UVRAG: variants seen among roughly 807,000 people sequenced by gnomAD.
UVRAG encodes the protein UV radiation resistance associated, also known as UV radiation resistance-associated gene protein.
A neutral mutation model predicts 78.0 loss-of-function variants in UVRAG; 19 were observed. The ratio of observed to expected loss-of-function variants is 0.24; its 90% CI spans 0.17 to 0.36. The LOEUF is 0.36. Ranked by LOEUF, UVRAG falls within the 10% of genes least tolerant of loss-of-function variation. UVRAG has a pLI of 1.00. For missense variants in UVRAG, 740 were observed against 853.8 expected (o/e 0.87, Z 1.66); for synonymous variants, 323 against 324.6 (o/e 1.00, Z 0.05).
chr11:75,927,068 G>A (rs937328319), intron 6 of UVRAG, among the ~76,000 whole-genome samples: 2 of 149,458 alleles, frequency 1.3e-5, no homozygotes, highest in African/African-American at 5.0e-5. Context: ...TATGGCAAAG[G>A]CATTTTTTTT....
At chr11:75,851,626 G>A (rs1474273335) in intron 1 of UVRAG, among the ~76,000 whole-genome samples, 1 of 152,148 alleles carries the variant, frequency 6.6e-6, no homozygotes, top group East Asian at 1.9e-4. Context: ...CTTACATAAC[G>A]TTGGTCCTTT....
intron 11 of UVRAG, among the ~76,000 whole-genome samples, chr11:76,010,639 T>G (rs1384710011): frequency 6.6e-6 from 1 of 152,132 alleles, no homozygotes; most frequent in African/African-American, 2.4e-5. Flanking sequence ...ATCTTTCAGC[T>G]TAATTTCTTA....
chr11:75,991,405 T>C (rs1268684843), intron 8 of UVRAG, among the ~76,000 whole-genome samples: 2 of 152,182 alleles, frequency 1.3e-5, no homozygotes, highest in African/African-American at 4.8e-5. Context: ...TTAGGGACTT[T>C]TGACCTTTTC....
At chr11:75,849,110 G>A (rs553721673) in intron 1 of UVRAG, among the ~76,000 whole-genome samples, 13 of 152,286 alleles carry the variant, frequency 8.5e-5, no homozygotes, top group South Asian at 8.3e-4. Context: ...CCCAGGATGC[G>A]GAGGCTGCAG....
intron 12 of UVRAG, among the ~76,000 whole-genome samples, chr11:76,022,756 C>T (rs573687884): frequency 6.6e-6 from 1 of 152,274 alleles, no homozygotes; most frequent in East Asian, 1.9e-4. Flanking sequence ...AATCCACTTA[C>T]ACTTAGTTAC....
At chr11:75,818,183 T>C (rs1376638045) in intron 1 of UVRAG, among the ~76,000 whole-genome samples, 1 of 152,232 alleles carries the variant, frequency 6.6e-6, no homozygotes, top group Non-Finnish European at 1.5e-5. Flanking sequence ...GGAACCACTT[T>C]TCTGATTTCT....
At chr11:76,111,257 C>T (rs956236704) in intron 13 of UVRAG, among the ~76,000 whole-genome samples, 15 of 152,128 alleles carry the variant, frequency 9.9e-5, no homozygotes, top group Non-Finnish European at 1.8e-4. Flanking sequence ...ACTGACTTGG[C>T]AGAAGCCTTT....
At chr11:76,109,331 C>T (rs1375028932) in intron 13 of UVRAG, among the ~76,000 whole-genome samples, 1 of 152,284 alleles carries the variant, frequency 6.6e-6, no homozygotes, top group Middle Eastern at 3.4e-3. Context: ...CACTCTCTTG[C>T]TTAAAACCCT....
At chr11:75,877,598 C>T (rs1403174906) in intron 3 of UVRAG, among the ~76,000 whole-genome samples, 16 of 141,144 alleles carry the variant, frequency 1.1e-4, no homozygotes, top group Middle Eastern at 4.4e-3. Context: ...GTCGGCTGGC[C>T]GGGCGGGGGG....
chr11:76,112,670 G>T (rs549865215), intron 13 of UVRAG, among the ~76,000 whole-genome samples: 2 of 152,056 alleles, frequency 1.3e-5, no homozygotes, highest in African/African-American at 2.4e-5. Context: ...CAATTTTATG[G>T]TGTGTTTAGT....
At chr11:76,102,469 G>A (rs1358516839) in intron 13 of UVRAG, among the ~76,000 whole-genome samples, 1 of 152,144 alleles carries the variant, frequency 6.6e-6, no homozygotes, top group East Asian at 1.9e-4. Context: ...GAGCTTTGGG[G>A]CCAAGACTGG....
At chr11:76,051,885 G>A (rs936081873) in intron 12 of UVRAG, among the ~76,000 whole-genome samples, 3 of 152,156 alleles carry the variant, frequency 2.0e-5, no homozygotes, top group Non-Finnish European at 2.9e-5. Context: ...TTTTAGGATA[G>A]AGATCAGCCC....
chr11:75,925,374 C>T (rs1948076914), intron 6 of UVRAG, among the ~76,000 whole-genome samples: 1 of 152,064 alleles, frequency 6.6e-6, no homozygotes, highest in African/African-American at 2.4e-5. Context: ...ATCAACTGGC[C>T]CTTGGAGTAA....
intron 6 of UVRAG, among the ~76,000 whole-genome samples, chr11:75,944,614 A>G (rs1269987775): frequency 6.6e-6 from 1 of 152,176 alleles, no homozygotes; most frequent in African/African-American, 2.4e-5. Context: ...CAAGGGAGAC[A>G]TGGTTTTTCC....
intron 7 of UVRAG, among the ~76,000 whole-genome samples, chr11:75,975,686 G>A (rs1364878622): frequency 1.3e-5 from 2 of 152,118 alleles, no homozygotes; most frequent in African/African-American, 2.4e-5. Flanking sequence ...TTGGTGTATA[G>A]GAATGCTTGT....
At chr11:76,103,412 T>A (rs961498004) in intron 13 of UVRAG, among the ~76,000 whole-genome samples, 1 of 152,178 alleles carries the variant, frequency 6.6e-6, no homozygotes, top group Non-Finnish European at 1.5e-5. Flanking sequence ...ACCTTTCACG[T>A]ATATTTATTA....
At chr11:76,060,863 C>T (rs1345868196) in intron 12 of UVRAG, among the ~76,000 whole-genome samples, 1 of 152,258 alleles carries the variant, frequency 6.6e-6, no homozygotes, top group East Asian at 1.9e-4. Context: ...CGTGGGGATC[C>T]TGTGTGGCCC....
intron 3 of UVRAG, among the ~76,000 whole-genome samples, chr11:75,873,239 C>T (rs1180185912): frequency 1.3e-5 from 2 of 152,030 alleles, no homozygotes; most frequent in African/African-American, 4.8e-5. Context: ...TCACTTTTTC[C>T]AAATGAATCT....
chr11:76,075,638 G>A (rs1397966315), intron 13 of UVRAG, among the ~76,000 whole-genome samples: 1 of 151,740 alleles, frequency 6.6e-6, no homozygotes, highest in African/African-American at 2.4e-5. Context: ...ATATAGTTCA[G>A]TGGCTTTTAA....
Sources: allele counts gnomAD v4.1 joint callset (sites outside exome capture counted in the v4.1 genomes callset), GRCh38; gene constraint gnomAD v4.1.1; transcripts MANE v1.5; gene names NCBI Gene and HGNC (gene_info 2026-07-23, HGNC 2026-07-21).